Variants in PPFIA2 observed in about 807,000 individuals in gnomAD.
PPFIA2 encodes the protein liprin-alpha-2.
PPFIA2 carries 46 observed loss-of-function variants against 175.5 expected under a neutral mutation model. That is an observed-to-expected ratio of 0.26 (90% confidence interval 0.21 to 0.34). PPFIA2 has a LOEUF of 0.34. Ranked by LOEUF, PPFIA2 falls within the 10% of genes least tolerant of loss-of-function variation. The pLI is 1.00. For missense variants in PPFIA2, 1,179 were observed against 1,506.1 expected, an observed-to-expected ratio of 0.78 and a Z score of 3.60; for synonymous variants, 568 against 511.4, an observed-to-expected ratio of 1.11 and a Z score of -1.49.
intron 6 of PPFIA2, among the ~76,000 whole-genome samples, chr12:81,440,817 T>C (rs1337099671): frequency 2.0e-5 from 3 of 149,200 alleles, no homozygotes; most frequent in East Asian, 3.9e-4. Flanking sequence ...TGTCCTGATA[T>C]ATATATATAT....
At chr12:81,299,166 T>C (rs1332051691) in intron 23 of PPFIA2, 135 bp downstream of exon 23, 2 of 1,160,810 alleles carry the variant, frequency 1.7e-6, no homozygotes, top group African/African-American at 1.5e-5. Context: ...TATTCCCTAG[T>C]AAGCAAATAG....
intron 9 of PPFIA2, among the ~76,000 whole-genome samples, chr12:81,377,076 TAAAG>T (rs1465661957): frequency 6.6e-6 from 1 of 151,900 alleles, no homozygotes; most frequent in South Asian, 2.1e-4. Context: ...TTTGTTTAAA[TAAAG>T]AGAGAAAATA....
intron 3 of PPFIA2, among the ~76,000 whole-genome samples, chr12:81,690,716 C>G (rs935752757): frequency 6.6e-6 from 1 of 152,044 alleles, no homozygotes; most frequent in South Asian, 2.1e-4. Context: ...TAAAATAACA[C>G]AAATTTATTA....
At chr12:81,318,616 T>G (rs1376335120) in intron 22 of PPFIA2, among the ~76,000 whole-genome samples, 1 of 151,768 alleles carries the variant, frequency 6.6e-6, no homozygotes, top group Non-Finnish European at 1.5e-5. Flanking sequence ...CTGATGTTCT[T>G]ATTTAAATCA....
chr12:81,422,259 A>G, intron 7 of PPFIA2, among the ~76,000 whole-genome samples: 1 of 151,752 alleles, frequency 6.6e-6, no homozygotes, highest in African/African-American at 2.4e-5. Context: ...CTCTGCAAAG[A>G]CTAGTAGAAT....
intron 28 of PPFIA2, among the ~76,000 whole-genome samples, chr12:81,272,765 AG>A (rs1435859319): frequency 6.6e-6 from 1 of 152,170 alleles, no homozygotes; most frequent in African/African-American, 2.4e-5. Flanking sequence ...TCTTCTTAAA[AG>A]GACTTTTATG....
intron 3 of PPFIA2, 100 bp from the exon 4 acceptor site, chr12:81,676,944 C>T: frequency 3.9e-6 from 3 of 763,172 alleles, no homozygotes; most frequent in Non-Finnish European, 4.0e-6. Context: ...AAAGTTAGGG[C>T]ATGTCAGCTA....
At chr12:81,566,417 G>A (rs575836697) in intron 4 of PPFIA2, among the ~76,000 whole-genome samples, 23 of 151,292 alleles carry the variant, frequency 1.5e-4, no homozygotes, top group Middle Eastern at 3.2e-3. Context: ...CCAGATACTC[G>A]GGAGGTTGAG....
In PPFIA2 at chr12:81,314,990, G is replaced by T. The variant is rs116252353; in HGVS notation, c.2642+10787C>A. Among the ~76,000 whole-genome samples the T allele has an allele frequency of 9.1e-3, 1,385 of 151,824 alleles. 28 individuals are homozygous for T. The highest frequency in any genetic ancestry group is 0.031 in the African/African-American group (1,296 of 41,492). On this transcript the variant is annotated intron_variant, in intron 22 of 32. Coordinates refer to ENST00000549396, the MANE Select transcript of PPFIA2 (RefSeq NM_003625.5). ...ACAAAATGACTAAGAAAATGGAAAG[G>T]GATGATCTGAGTAAAAGAATAGCCT... is the stretch of plus-strand genomic sequence containing the variant.
chr12:81,752,057 A>G lies in PPFIA2; in HGVS notation c.249+1916T>C, dbSNP rs374127267. Among the ~76,000 whole-genome samples, 10 of 152,350 alleles carry G rather than the reference A, an allele frequency of 6.6e-5. No individual in the cohort carries two copies. The East Asian group carries it at 1.9e-3, about 29-fold the overall frequency. ...GTAAGAGGGATTCATGCAGTCTTAC[A>G]TGTAGGATCAGAATCAACTTCCAAG... On this transcript the variant is annotated intron_variant, in intron 3 of 32. Transcript: ENST00000549396.
intron 4 of PPFIA2, among the ~76,000 whole-genome samples, chr12:81,646,900 G>C (rs2066171075): frequency 6.6e-6 from 1 of 151,874 alleles, no homozygotes; most frequent in South Asian, 2.1e-4. Context: ...GATGAAGGTG[G>C]GGGGAGGGAA....
intron 7 of PPFIA2, among the ~76,000 whole-genome samples, chr12:81,411,166 AG>A (rs1321532734): frequency 6.6e-6 from 1 of 152,082 alleles, no homozygotes; most frequent in Non-Finnish European, 1.5e-5. Context: ...AGACTTTTTT[AG>A]GTGTGTAGAA....
chr12:81,552,210 C>T (rs2068043171), intron 4 of PPFIA2, among the ~76,000 whole-genome samples: 1 of 151,392 alleles, frequency 6.6e-6, no homozygotes, highest in African/African-American at 2.4e-5. Context: ...TAATCAGAAC[C>T]TCAGAAATTA....
chr12:81,608,961 G>T (rs1349738505), intron 4 of PPFIA2, among the ~76,000 whole-genome samples: 3 of 151,816 alleles, frequency 2.0e-5, no homozygotes, highest in South Asian at 4.2e-4. Flanking sequence ...CATTGCTTCA[G>T]TTGTATCCTA....
chr12:81,383,892 T>C (rs1273138415), intron 9 of PPFIA2, 131 bp downstream of exon 9: 1 of 684,312 alleles, frequency 1.5e-6, no homozygotes, highest in Non-Finnish European at 2.4e-6. Context: ...GTTTCATAAC[T>C]AATATAATGC....
At chr12:81,408,723 C>G (rs758982845) in intron 7 of PPFIA2, among the ~76,000 whole-genome samples, 1 of 152,076 alleles carries the variant, frequency 6.6e-6, no homozygotes, top group Admixed American at 6.6e-5. Flanking sequence ...ACAATTAGTT[C>G]CAAAAATGAC....
At chr12:81,636,888 A>G (rs1003174176) in intron 4 of PPFIA2, among the ~76,000 whole-genome samples, 8 of 151,446 alleles carry the variant, frequency 5.3e-5, no homozygotes, top group Non-Finnish European at 1.0e-4. Context: ...CCTGACCTCA[A>G]GTGATCCTCC....
chr12:81,283,770 C>G (rs1283017624), intron 25 of PPFIA2, among the ~76,000 whole-genome samples: 2 of 151,942 alleles, frequency 1.3e-5, no homozygotes, highest in East Asian at 3.9e-4. Context: ...CTTTTCAGTA[C>G]CAAATTAACA....
intron 7 of PPFIA2, among the ~76,000 whole-genome samples, chr12:81,408,293 A>T (rs892894118): frequency 2.0e-5 from 3 of 152,194 alleles, no homozygotes; most frequent in African/African-American, 7.2e-5. Context: ...TTTATGAATT[A>T]TAAATTTTAA....
Sources: allele counts gnomAD v4.1 joint callset (sites outside exome capture counted in the v4.1 genomes callset), GRCh38; gene constraint gnomAD v4.1.1; transcripts MANE v1.5; gene names NCBI Gene and HGNC (gene_info 2026-07-23, HGNC 2026-07-21).